NFIC: variants seen among roughly 807,000 people sequenced by gnomAD.
NFIC encodes nuclear factor I C.
In NFIC, 12 loss-of-function variants were observed where a neutral mutation model predicts 54.4. The ratio of observed to expected loss-of-function variants is 0.22; its 90% CI spans 0.14 to 0.36. The LOEUF is 0.36. Ranked by LOEUF, NFIC falls within the 10% of genes least tolerant of loss-of-function variation. NFIC has a pLI of 1.00. For synonymous variants in NFIC, 322 were observed against 319.2 expected, an observed-to-expected ratio of 1.01 and a Z score of -0.09; for missense variants, 575 against 718.2, an observed-to-expected ratio of 0.80 and a Z score of 2.28.
chr19:3,420,460 G>C (rs1361005504), intron 2 of NFIC, among the ~76,000 whole-genome samples: 1 of 151,990 alleles, frequency 6.6e-6, no homozygotes, highest in African/African-American at 2.4e-5. Context: ...GCTGGGAATT[G>C]CTTGAGCCCG....
chr19:3,437,343 G>C (rs2145639076), intron 6 of NFIC, among the ~76,000 whole-genome samples: 1 of 151,890 alleles, frequency 6.6e-6, no homozygotes, highest in South Asian at 2.1e-4. Context: ...ACTCCAGCCT[G>C]GGTGACAGAG....
intron 3 of NFIC, among the ~76,000 whole-genome samples, chr19:3,432,931 A>G (rs1357430679): frequency 6.8e-6 from 1 of 146,874 alleles, no homozygotes; most frequent in Non-Finnish European, 1.5e-5. Flanking sequence ...CGGCCTCCCA[A>G]AGTGCTGGGA....
At chr19:3,436,949 G>A (rs1181194939) in intron 6 of NFIC, among the ~76,000 whole-genome samples, 2 of 152,160 alleles carry the variant, frequency 1.3e-5, no homozygotes, top group East Asian at 1.9e-4. Context: ...CACAATGGGG[G>A]TGATGTGAAT....
rs754577379 is a variant in NFIC, at chr19:3,366,650, C to G, written c.14C>G (p.Pro5Arg). 1 of 1,490,472 alleles carries G rather than the reference C, an allele frequency of 6.7e-7. No individual in the cohort carries two copies. Among genetic ancestry groups the G allele is most frequent in the African/African-American group, 1.5e-5 (1 of 67,734 alleles). The allele number at this position is 1,490,472 out of a possible 1,614,324, so 92.3% of individuals were successfully genotyped here. MYSS[P>R]LCLTQDEFHP... ...GCCGCGCCCGGGATGTATTCGTCCC[C>G]GCTCTGCCTCACCCAGGTACGGTCC... Residue 5 changes from proline (P) to arginine (R), a missense_variant, in exon 1 of 11, where the codon CCG becomes CGG. Coordinates refer to ENST00000443272, the MANE Select transcript of NFIC (RefSeq NM_001245002.2).
chr19:3,444,777 G>A (rs1446635263), intron 6 of NFIC, among the ~76,000 whole-genome samples: 4 of 152,180 alleles, frequency 2.6e-5, no homozygotes, highest in South Asian at 2.1e-4. Flanking sequence ...GTGGCCCTGC[G>A]CTTGCAGGGA....
chr19:3,380,119 G>A (rs1374915824), intron 1 of NFIC, among the ~76,000 whole-genome samples: 1 of 151,686 alleles, frequency 6.6e-6, no homozygotes, highest in Non-Finnish European at 1.5e-5. Context: ...TCCTGCCTCA[G>A]CCTCCTGAGT....
In NFIC at chr19:3,456,642, G is replaced by T. The variant is rs1194237834; in HGVS notation, c.1509+7G>T. 2.0e-6 allele frequency: 3 copies of T among 1,525,220 alleles called. No individual in the cohort carries two copies. The highest frequency in any genetic ancestry group is 2.7e-6 in the Non-Finnish European group (3 of 1,125,170). 94.5% of individuals were successfully genotyped at this position (1,525,220 alleles called of 1,614,324 possible). A position where few individuals can be genotyped will look rare whatever the true frequency, so the allele number is the denominator to read the frequency against. ...GGGCATTTATCAGGCACAGGTAGGG[G>T]CCGAGAGGCCGGCTGGTGGGGTGGG... On this transcript the variant is annotated splice_region_variant and intron_variant, in intron 10 of 10. Transcript: ENST00000443272.
intron 3 of NFIC, among the ~76,000 whole-genome samples, chr19:3,432,831 C>T (rs368490808): frequency 6.6e-4 from 101 of 152,052 alleles, no homozygotes; most frequent in Non-Finnish European, 1.1e-3. Flanking sequence ...CCTGCCACCA[C>T]GCCCGGCTAA....
intron 6 of NFIC, among the ~76,000 whole-genome samples, chr19:3,439,333 CAAAAAAAAAAAAAAAAAAAAA>C (rs539916342): frequency 7.3e-3 from 169 of 23,306 alleles, no homozygotes; most frequent in Middle Eastern, 0.028. Flanking sequence ...GACCCTGTCT[CAAAAAAAAAAAAAAAAAAAAA>C]AAAAAAAAAA....
intron 1 of NFIC, among the ~76,000 whole-genome samples, chr19:3,377,430 G>A (rs573490616): frequency 1.7e-4 from 26 of 151,770 alleles, no homozygotes; most frequent in Non-Finnish European, 3.4e-4. Flanking sequence ...TTGAGAGCTG[G>A]GGGGAGGAAA....
chr19:3,453,688 G>C lies in NFIC; in HGVS notation c.1270-75G>C. 6.6e-7 allele frequency: 1 copy of C among 1,509,878 alleles called. No homozygotes were observed. The highest frequency in any genetic ancestry group is 8.8e-7 in the Non-Finnish European group (1 of 1,134,588). The allele number at this position is 1,509,878 out of a possible 1,614,324, so 93.5% of individuals were successfully genotyped here. A position where few individuals can be genotyped will look rare whatever the true frequency, so the allele number is the denominator to read the frequency against. On this transcript the variant is annotated intron_variant, in intron 8 of 10. Coordinates refer to ENST00000443272, the MANE Select transcript of NFIC (RefSeq NM_001245002.2). This position sits in a 1 kb window ranked among gnomAD's most constrained non-coding sequence, Gnocchi z 6.7. Reference sequence around the variant, plus strand: ...CCCCGTCCGGGCCGTGCACAGAGCCGGGGGCGGCCGGCGCCAGCAGCCCGA... The same window carrying C: ...CCCCGTCCGGGCCGTGCACAGAGCCCGGGGCGGCCGGCGCCAGCAGCCCGA...
rs2082679516 is a variant in NFIC, at chr19:3,463,921, T to TCTCCACCAGCCC, written c.*1158_*1169dup. On this transcript the variant is annotated 3_prime_UTR_variant, in exon 11 of 11. Coordinates refer to ENST00000443272, the MANE Select transcript of NFIC (RefSeq NM_001245002.2). ...GGCCTCCTCCCCCTCCCCTCCAGCC[T>TCTCCACCAGCCC]CTCCACCAGCCCCTCCAGTCAACCC... 1.3e-4 allele frequency: 117 copies of TCTCCACCAGCCC among 875,406 alleles called. No homozygotes were observed. The highest frequency in any genetic ancestry group is 1.5e-4 in the Non-Finnish European group (115 of 768,238). 54.2% of individuals were successfully genotyped at this position (875,406 alleles called of 1,614,324 possible).
chr19:3,415,686 C>T (rs1172639669), intron 2 of NFIC, among the ~76,000 whole-genome samples: 3 of 152,046 alleles, frequency 2.0e-5, no homozygotes, highest in Non-Finnish European at 2.9e-5. Flanking sequence ...GGTTTGGAGC[C>T]GAGGAAGCCC....
intron 2 of NFIC, among the ~76,000 whole-genome samples, chr19:3,406,551 C>G (rs114784094): frequency 0.039 from 5,876 of 152,270 alleles, 311 homozygotes; most frequent in East Asian, 0.21. Flanking sequence ...TTTCACTGCT[C>G]TGTCCCCAGT....
chr19:3,430,608 C>T (rs2082104258), intron 3 of NFIC, among the ~76,000 whole-genome samples: 1 of 152,036 alleles, frequency 6.6e-6, no homozygotes, highest in African/African-American at 2.4e-5. Flanking sequence ...GCCCTGGTGC[C>T]CACGCATCCC....
chr19:3,445,802 G>C (rs1314401020), intron 6 of NFIC, among the ~76,000 whole-genome samples: 1 of 152,154 alleles, frequency 6.6e-6, no homozygotes, highest in Non-Finnish European at 1.5e-5. Flanking sequence ...GGACAGGACT[G>C]GGGAGGGCCT....
chr19:3,389,709 G>A (rs1467025530), intron 2 of NFIC, among the ~76,000 whole-genome samples: 5 of 152,288 alleles, frequency 3.3e-5, no homozygotes, highest in African/African-American at 4.8e-5. Flanking sequence ...CCGGCCGGGC[G>A]CAGTGGCTCA....
intron 2 of NFIC, among the ~76,000 whole-genome samples, chr19:3,416,200 C>A (rs1053628040): frequency 2.7e-5 from 4 of 150,834 alleles, no homozygotes; most frequent in Non-Finnish European, 4.4e-5. Flanking sequence ...ATTGCCCCCC[C>A]ATAAAGAGCC....
chr19:3,456,694 G>A, intron 10 of NFIC, 59 bp downstream of exon 10: 1 of 1,352,736 alleles, frequency 7.4e-7, no homozygotes, highest in Non-Finnish European at 1.0e-6. Context: ...GGCCGGCCCG[G>A]GGGGCTCAGG....
Sources: gnomAD v4.1 joint callset for allele counts (sites outside exome capture counted in the v4.1 genomes callset) on GRCh38, gnomAD v4.1.1 for gene constraint, Gnocchi (gnomAD v3.1) non-coding constraint, MANE v1.5 for transcripts, NCBI Gene and HGNC (gene_info 2026-07-23, HGNC 2026-07-21) for gene names.